TMEM63B: variants seen among roughly 807,000 people sequenced by gnomAD.
TMEM63B encodes mechanosensitive cation channel TMEM63B.
In TMEM63B, 23 loss-of-function variants were observed where a neutral mutation model predicts 102.6. That is an observed-to-expected ratio of 0.22 (90% confidence interval 0.16 to 0.32). The LOEUF is 0.32. Ranked by LOEUF, TMEM63B falls within the 10% of genes least tolerant of loss-of-function variation. The pLI is 1.00. For missense variants in TMEM63B, 628 were observed against 1,095.9 expected, an observed-to-expected ratio of 0.57 and a Z score of 6.03; for synonymous variants, 444 against 437.0, an observed-to-expected ratio of 1.02 and a Z score of -0.20.
At chr6:44,129,212 AC>A (rs1307831206) in intron 1 of TMEM63B, among the ~76,000 whole-genome samples, 1 of 152,050 alleles carries the variant, frequency 6.6e-6, no homozygotes, top group African/African-American at 2.4e-5. Flanking sequence ...TACTAAAAAT[AC>A]AAAAATTAGC....
In TMEM63B at chr6:44,146,821, A is replaced by T. The variant is rs775858402; in HGVS notation, c.783-26A>T. ...GGGCAGGTGGGTGGGGTCCCTGCAC[A>T]AGATGATACATGAACTGTGTTTCAG... is the stretch of plus-strand genomic sequence containing the variant. On this transcript the variant is annotated intron_variant, in intron 10 of 23. Coordinates refer to ENST00000323267, the MANE Select transcript of TMEM63B (RefSeq NM_018426.3). 4.3e-6 allele frequency: 7 copies of T among 1,613,132 alleles called. No homozygotes were observed. The South Asian group carries it at 7.7e-5, about 18-fold the overall frequency.
At position 44,140,654 on chromosome 6, in the gene TMEM63B, T is replaced by C. The variant is rs1009070994; in HGVS notation, c.711+294T>C. The stretch of plus-strand genomic sequence containing the variant: ...GCTGATCCTAGGATAGTAATATTCC[T>C]TCCCCTTCTACATGCACTCACCAAG... On this transcript the variant is annotated intron_variant, in intron 9 of 23. Coordinates refer to ENST00000323267, the MANE Select transcript of TMEM63B (RefSeq NM_018426.3). The C allele has an allele frequency of 5.2e-6, 3 of 573,070 alleles. No individual in the cohort carries two copies. In the South Asian group the frequency reaches 5.7e-5, roughly 11 times the overall value. The allele number at this position is 573,070 out of a possible 1,614,324, so 35.5% of individuals were successfully genotyped here.
rs375342308 is a variant in TMEM63B at position 44,132,281 on chromosome 6, A to C, written c.-24-2280A>C. Reference sequence around the variant, plus strand: ...GTGACCCCAAGGAGGCGGACAGCAGAGGAGCATGGTGATTTCAGTTACTAA... The same window carrying C: ...GTGACCCCAAGGAGGCGGACAGCAGCGGAGCATGGTGATTTCAGTTACTAA... On this transcript the variant is annotated intron_variant, in intron 1 of 23. Transcript: ENST00000323267. 5.4e-4 allele frequency: 535 copies of C among 985,430 alleles called. 2 individuals carry two copies. The African/African-American group carries it at 7.8e-3, about 14-fold the overall frequency. The allele number at this position is 985,430 out of a possible 1,614,324, so 61.0% of individuals were successfully genotyped here.
intron 4 of TMEM63B, 76 bp downstream of exon 4, chr6:44,135,442 C>T: frequency 6.6e-7 from 1 of 1,519,772 alleles, no homozygotes; most frequent in South Asian, 1.2e-5. Flanking sequence ...TCTTCTCTTC[C>T]TGCCAAGTTG....
Position 44,139,769 on chromosome 6 carries a change from G to C in TMEM63B, c.602+10G>C. 6.2e-7 allele frequency: 1 copy of C among 1,614,168 alleles called. No individual in the cohort carries two copies. Among genetic ancestry groups the C allele is most frequent in the Non-Finnish European group, 8.5e-7 (1 of 1,180,050 alleles). ...CCAACTTGAAATCAGGGTAAGATGCGAAGCTGGTCGGCCAGGCCAAGGTCT... is the reference window on the plus strand; with the variant it reads ...CCAACTTGAAATCAGGGTAAGATGCCAAGCTGGTCGGCCAGGCCAAGGTCT... On this transcript the variant is annotated intron_variant, in intron 8 of 23. Coordinates refer to ENST00000323267, the MANE Select transcript of TMEM63B (RefSeq NM_018426.3).
intron 10 of TMEM63B, among the ~76,000 whole-genome samples, chr6:44,145,616 A>T (rs1765223068): frequency 1.4e-5 from 2 of 142,164 alleles, no homozygotes; most frequent in Non-Finnish European, 3.1e-5. Flanking sequence ...ACAAAAACAA[A>T]AACAAAAACG....
In TMEM63B at chr6:44,139,530, C is replaced by T. The variant is rs1317109333; in HGVS notation, c.471C>T (p.His157=). Residue 157 remains histidine, a synonymous_variant, in exon 7 of 24, where the codon CAC becomes CAT. Coordinates refer to ENST00000323267, the MANE Select transcript of TMEM63B (RefSeq NM_018426.3). The stretch of plus-strand genomic sequence containing the variant: ...TGCACTACCTGTCCTTTCAGCGGCA[C>T]ATCATCGGGCTGCTGGTGGTTGTGG... ...DAVHYLSFQR[H]IIGLLVVVGV... The T allele has an allele frequency of 6.2e-7, 1 of 1,614,120 alleles. No homozygotes were observed. The highest frequency in any genetic ancestry group is 1.1e-5 in the South Asian group (1 of 91,094).
At chr6:44,128,903 C>T (rs1777757442) in intron 1 of TMEM63B, among the ~76,000 whole-genome samples, 1 of 152,198 alleles carries the variant, frequency 6.6e-6, no homozygotes, top group Non-Finnish European at 1.5e-5. Flanking sequence ...CAGTCTTGGC[C>T]TGTGGGTGGA....
At chr6:44,143,182 C>A (rs923226724) in intron 10 of TMEM63B, among the ~76,000 whole-genome samples, 3 of 152,160 alleles carry the variant, frequency 2.0e-5, no homozygotes, top group Admixed American at 6.5e-5. Flanking sequence ...GATTCCAGAG[C>A]CTGTGTTAGA....
Position 44,141,185 on chromosome 6 carries a change from GC to G in TMEM63B, c.782+89del, listed in dbSNP as rs749435382. 288 of 1,332,818 alleles carry G rather than the reference GC, an allele frequency of 2.2e-4. 1 individual carries two copies. Among genetic ancestry groups the G allele is most frequent in the Middle Eastern group, 7.3e-4 (4 of 5,480 alleles). The allele number at this position is 1,332,818 out of a possible 1,614,324, so 82.6% of individuals were successfully genotyped here. On this transcript the variant is annotated intron_variant, in intron 10 of 23. Transcript: ENST00000323267. Reference sequence around the variant, plus strand: ...ACTCTAAGAACATCCTTATACCCTAGCCTGGAGCTCTGCCGTGGGTGGGATA... The same window carrying G: ...ACTCTAAGAACATCCTTATACCCTAGCTGGAGCTCTGCCGTGGGTGGGATA...
At chr6:44,137,942 C>T (rs1250057688) in intron 5 of TMEM63B, among the ~76,000 whole-genome samples, 10 of 152,196 alleles carry the variant, frequency 6.6e-5, no homozygotes, top group South Asian at 2.1e-4. Context: ...TCAGTTGATC[C>T]GCCCGCCTTG....
At chr6:44,138,717 C>T in intron 6 of TMEM63B, 200 bp downstream of exon 6, 1 of 514,568 alleles carries the variant, frequency 1.9e-6, no homozygotes, top group Middle Eastern at 4.7e-4. Flanking sequence ...CCCATAATCT[C>T]CTCTGTGACC....
rs767481148 is a variant in TMEM63B at position 44,149,897 on chromosome 6, G to C, written c.1452G>C (p.Leu484=). 1.2e-6 allele frequency: 2 copies of C among 1,613,480 alleles called. No individual in the cohort carries two copies. The highest frequency in any genetic ancestry group is 1.7e-6 in the Non-Finnish European group (2 of 1,179,784). The change falls in exon 16 of 24, where the codon CTG becomes CTC. Residue 484 remains leucine, a synonymous_variant. Coordinates refer to ENST00000323267, the MANE Select transcript of TMEM63B (RefSeq NM_018426.3). ...CCCAGTTCTTCCCCACCCTGCTGCTGTGGTGCTTCTCGGCCCTCCTTCCCA... is the reference window on the plus strand; with the variant it reads ...CCCAGTTCTTCCCCACCCTGCTGCTCTGGTGCTTCTCGGCCCTCCTTCCCA... ...IITQFFPTLL[L]WCFSALLPTI...
rs779015362 is a variant in TMEM63B at position 44,148,774 on chromosome 6, G to A, written c.1260-18G>A. ...CCTGCCCTTGGTTCCTGGACTGACC[G>A]GTTCCCCACCTTGCCAGGGAGCACC... On this transcript the variant is annotated intron_variant, in intron 14 of 23. Coordinates refer to ENST00000323267, the MANE Select transcript of TMEM63B (RefSeq NM_018426.3). The surrounding 1 kb of genome is among the most constrained non-coding windows in gnomAD (Gnocchi z 5.1). 8.1e-6 allele frequency: 13 copies of A among 1,614,042 alleles called. No individual in the cohort carries two copies. Among genetic ancestry groups the A allele is most frequent in the East Asian group, 2.2e-5 (1 of 44,872 alleles).
chr6:44,143,537 G>A (rs1764720071), intron 10 of TMEM63B, among the ~76,000 whole-genome samples: 1 of 151,674 alleles, frequency 6.6e-6, no homozygotes, highest in Admixed American at 6.6e-5. Context: ...GTTGGAATCA[G>A]TTGTCAGCTT....
intron 18 of TMEM63B, 87 bp from the exon 19 acceptor site, chr6:44,151,759 A>C (rs1453874623): frequency 2.1e-6 from 3 of 1,425,736 alleles, no homozygotes; most frequent in Non-Finnish European, 2.8e-6. Flanking sequence ...TTGGTGGTGG[A>C]GGTGTTGGGT....
chr6:44,133,166 A>T (rs1762278643), intron 1 of TMEM63B, among the ~76,000 whole-genome samples: 1 of 152,324 alleles, frequency 6.6e-6, no homozygotes, highest in East Asian at 1.9e-4. Flanking sequence ...GAAAAGGAAG[A>T]GGCATAACAC....
chr6:44,154,414 C>T lies in TMEM63B; in HGVS notation c.2276C>T (p.Pro759Leu), dbSNP rs761291206. ...GTGGACCCCAGAAGCAATGGACGGC[C>T]CCCCACTGCTGCTGCTGTCCCCAAA... is the stretch of plus-strand genomic sequence containing the variant. ...DTVDPRSNGR[P>L]PTAAAVPKSA... The change falls in exon 23 of 24, where the codon CCC becomes CTC. Residue 759 changes from proline (P) to leucine (L), a missense_variant. Physicochemically the swap from Pro to Leu is moderately conservative, Grantham distance 98 (BLOSUM62 -3). This residue lies in a region of TMEM63B where 129 missense variants were observed against 153.5 expected (regional missense o/e 0.84). Transcript: ENST00000323267. 6.2e-7 allele frequency: 1 copy of T among 1,613,928 alleles called. No homozygotes were observed. Among genetic ancestry groups the T allele is most frequent in the Non-Finnish European group, 8.5e-7 (1 of 1,179,980 alleles).
chr6:44,133,638 C>T (rs62401766), intron 1 of TMEM63B, among the ~76,000 whole-genome samples: 13,239 of 152,300 alleles, frequency 0.087, 832 homozygotes, highest in East Asian at 0.25. Flanking sequence ...GCTGGCTGTC[C>T]CTTTTCTCCT....
Sources: allele counts gnomAD v4.1 joint callset (sites outside exome capture counted in the v4.1 genomes callset), GRCh38; gene constraint gnomAD v4.1.1; regional missense constraint gnomAD v4.1.1; non-coding constraint Gnocchi (gnomAD v3.1); transcripts MANE v1.5; gene names NCBI Gene and HGNC (gene_info 2026-07-23, HGNC 2026-07-21).